TEX2: variants seen among roughly 807,000 people sequenced by gnomAD.
TEX2 encodes the protein testis expressed 2.
A neutral mutation model predicts 106.9 loss-of-function variants in TEX2; 53 were observed. That is an observed-to-expected ratio of 0.50 (90% confidence interval 0.40 to 0.62). The LOEUF is 0.62. Ranked by LOEUF, TEX2 falls within the 20% of genes least tolerant of loss-of-function variation. The pLI, the probability that TEX2 is intolerant of heterozygous loss-of-function variation, is 0.00. For synonymous variants in TEX2, 523 were observed against 534.8 expected (o/e 0.98, Z 0.30); for missense variants, 1,207 against 1,379.0 (o/e 0.88, Z 1.98).
At chr17:64,188,099 G>C in intron 5 of TEX2, 69 bp downstream of exon 5, 1 of 1,541,262 alleles carries the variant, frequency 6.5e-7, no homozygotes, top group Non-Finnish European at 8.7e-7. Flanking sequence ...GGGCTTCGGA[G>C]CACTTACGCA....
rs569231001 is a variant in TEX2 at position 64,253,119 on chromosome 17, A to G, written c.-26+10049T>C. 4.6e-5 allele frequency among the ~76,000 whole-genome samples: 7 copies of G among 152,294 alleles called. No homozygotes were observed. In the South Asian group the frequency reaches 1.5e-3, roughly 32 times the overall value. ...AAAGAAACATTCAGAGAGTTTGAGC[A>G]AGGATGTGACATGATGATGTTAGAA... On this transcript the variant is annotated intron_variant, in intron 1 of 11. Transcript: ENST00000584379.
intron 1 of TEX2, among the ~76,000 whole-genome samples, chr17:64,239,541 T>G (rs2033840992): frequency 6.6e-6 from 1 of 152,112 alleles, no homozygotes; most frequent in South Asian, 2.1e-4. Flanking sequence ...AAACTAAGCT[T>G]AACTTACAAA....
At chr17:64,239,134 C>T (rs1271442646) in intron 1 of TEX2, 2 of 152,168 alleles carry the variant, frequency 1.3e-5, no homozygotes, top group African/African-American at 4.8e-5. Flanking sequence ...AGAAATCAAA[C>T]ATGTCTAGAC....
chr17:64,210,634 C>CTTTTTTTT lies in TEX2; in HGVS notation c.1644+1932_1644+1939dup, dbSNP rs58313195. Reference sequence around the variant, plus strand: ...TAAAAGAATTCTCCCCAACCCCCAGCTTTTTTTTTTTTTTTTTTTTTTTTT... The same window carrying CTTTTTTTT: ...TAAAAGAATTCTCCCCAACCCCCAGCTTTTTTTTTTTTTTTTTTTTTTTTTTTTTTTTT... On this transcript the variant is annotated intron_variant, in intron 2 of 11. Coordinates refer to ENST00000584379, the MANE Select transcript of TEX2 (RefSeq NM_001288732.2). Among the ~76,000 whole-genome samples, 206 of 74,754 alleles carry CTTTTTTTT rather than the reference C, an allele frequency of 2.8e-3. 9 individuals carry two copies. Among genetic ancestry groups the CTTTTTTTT allele is most frequent in the African/African-American group, 0.011 (195 of 17,324 alleles). 49.0% of individuals were successfully genotyped at this position (74,754 alleles called of 152,430 possible). A position where few individuals can be genotyped will look rare whatever the true frequency, so the allele number is the denominator to read the frequency against.
chr17:64,179,827 G>C (rs1303233518), intron 5 of TEX2, among the ~76,000 whole-genome samples: 2 of 151,988 alleles, frequency 1.3e-5, no homozygotes, highest in South Asian at 2.1e-4. Context: ...CAGAAGACAT[G>C]GATCTGCTTC....
At chr17:64,170,365 G>T (rs2031327874) in intron 7 of TEX2, among the ~76,000 whole-genome samples, 1 of 152,218 alleles carries the variant, frequency 6.6e-6, no homozygotes, top group South Asian at 2.1e-4. Context: ...CAAGTCAGGA[G>T]AGGTAAGGAT....
chr17:64,193,465 TTCC>T, intron 4 of TEX2, 91 bp downstream of exon 4: 1 of 806,694 alleles, frequency 1.2e-6, no homozygotes, highest in African/African-American at 3.2e-5. Flanking sequence ...CAGGGTGGGC[TTCC>T]TTCCTTCCTT....
In TEX2 at chr17:64,153,500, G is replaced by A. The variant is rs536775460; in HGVS notation, c.2931-346C>T. 1.3e-5 allele frequency among the ~76,000 whole-genome samples: 2 copies of A among 152,304 alleles called. No individual in the cohort carries two copies. The highest frequency in any genetic ancestry group is 4.1e-4 in the South Asian group (2 of 4,830). On this transcript the variant is annotated intron_variant, in intron 9 of 11. Transcript: ENST00000584379. The surrounding 1 kb of genome is among the most constrained non-coding windows in gnomAD (Gnocchi z 4.1). ...TCCAAACCTTGACAATGGAGAGCTG[G>A]ACAAAGTCCTCATGCAGAGGTTTCT... is the stretch of plus-strand genomic sequence containing the variant.
chr17:64,174,741 A>G (rs903287), intron 6 of TEX2, among the ~76,000 whole-genome samples: 28,257 of 152,142 alleles, frequency 0.19, 4,186 homozygotes, highest in African/African-American at 0.41. Context: ...ACATTTGCTG[A>G]CACAGGCACA....
chr17:64,150,581 ACAT>A (rs768776938), intron 11 of TEX2: 7 of 238,934 alleles, frequency 2.9e-5, no homozygotes, highest in Non-Finnish European at 4.0e-5. Context: ...CTGGGAAAAG[ACAT>A]CATCATTTTG....
At chr17:64,163,675 T>TG (rs2030989662) in intron 7 of TEX2, among the ~76,000 whole-genome samples, 1 of 152,126 alleles carries the variant, frequency 6.6e-6, no homozygotes, top group Non-Finnish European at 1.5e-5. Context: ...ACGTGACAGG[T>TG]GAGTCAGGAG....
chr17:64,219,361 C>A (rs536853734), intron 1 of TEX2, among the ~76,000 whole-genome samples: 1 of 152,020 alleles, frequency 6.6e-6, no homozygotes, highest in African/African-American at 2.4e-5. Context: ...CAAAAATCAG[C>A]TGGACGTGGT....
chr17:64,164,461 T>C (rs1034255299), intron 7 of TEX2, among the ~76,000 whole-genome samples: 60 of 150,992 alleles, frequency 4.0e-4, no homozygotes, highest in African/African-American at 1.5e-3. Context: ...TGGCACTTCA[T>C]GCAGCAACAC....
intron 1 of TEX2, among the ~76,000 whole-genome samples, chr17:64,219,510 A>C (rs1401177633): frequency 8.1e-5 from 8 of 99,220 alleles, no homozygotes; most frequent in African/African-American, 2.6e-4. Flanking sequence ...CATCTCATCA[A>C]ATAAAATAAA....
In TEX2 at chr17:64,147,244, A is replaced by C. The variant is rs2030081370; in HGVS notation, c.*1725T>G. 6.6e-6 allele frequency: 1 copy of C among 152,218 alleles called. No individual in the cohort carries two copies. The highest frequency in any genetic ancestry group is 2.4e-5 in the African/African-American group (1 of 41,434). The allele number at this position is 152,218 out of a possible 1,614,324, so 9.4% of individuals were successfully genotyped here. A position where few individuals can be genotyped will look rare whatever the true frequency, so the allele number is the denominator to read the frequency against. On this transcript the variant is annotated 3_prime_UTR_variant, in exon 12 of 12. Transcript: ENST00000584379. ...TTACGAACTTTCACTGGATTCTTTA[A>C]ATGTGGGCTGAAGATAATGGCACAT... is the stretch of plus-strand genomic sequence containing the variant.
Position 64,213,807 on chromosome 17 carries a change from C to A in TEX2, c.411G>T (p.Gly137=). 2 of 1,614,196 alleles carry A rather than the reference C, an allele frequency of 1.2e-6. No homozygotes were observed. The highest frequency in any genetic ancestry group is 1.7e-6 in the Non-Finnish European group (2 of 1,180,046). Reference sequence around the variant, plus strand: ...TAGCTAAGGGCCCCGACGAAGACGACCCTGGGGACACAGCCAATGGCACTG... The same window carrying A: ...TAGCTAAGGGCCCCGACGAAGACGAACCTGGGGACACAGCCAATGGCACTG... ...LSTVPLAVSP[G]SSSSGPLASS... Residue 137 remains glycine, a synonymous_variant, in exon 2 of 12, where the codon GGG becomes GGT. Transcript: ENST00000584379. This position sits in a 1 kb window ranked among gnomAD's most constrained non-coding sequence, Gnocchi z 4.4.
intron 1 of TEX2, among the ~76,000 whole-genome samples, chr17:64,238,528 C>T (rs2033818873): frequency 6.6e-6 from 1 of 152,226 alleles, no homozygotes; most frequent in East Asian, 1.9e-4. Context: ...GTTTAATTGA[C>T]TCACAGTTTC....
At chr17:64,232,946 T>A (rs553061053) in intron 1 of TEX2, among the ~76,000 whole-genome samples, 1 of 152,280 alleles carries the variant, frequency 6.6e-6, no homozygotes, top group East Asian at 1.9e-4. Flanking sequence ...CCCTAATCAT[T>A]ACCTTCTTAA....
chr17:64,239,705 G>A (rs1456556597), intron 1 of TEX2, among the ~76,000 whole-genome samples: 5 of 151,596 alleles, frequency 3.3e-5, no homozygotes, highest in African/African-American at 1.2e-4. Flanking sequence ...GTGAAACCCC[G>A]TCTCTACTAA....
Sources: allele counts gnomAD v4.1 joint callset (sites outside exome capture counted in the v4.1 genomes callset), GRCh38; gene constraint gnomAD v4.1.1; non-coding constraint Gnocchi (gnomAD v3.1); transcripts MANE v1.5; gene names NCBI Gene and HGNC (gene_info 2026-07-23, HGNC 2026-07-21).